Variants in EFCAB6 observed in about 807,000 individuals in gnomAD.
EFCAB6 encodes EF-hand calcium binding domain 6.
Under a neutral mutation model 169.8 loss-of-function variants are expected in EFCAB6, and 156 were observed. The observed-to-expected ratio is 0.92, with a 90% CI of 0.81 to 1.05. The LOEUF (loss-of-function observed/expected upper bound fraction) is 1.05, where lower values mean the gene tolerates loss of function less well. Among genes scored for constraint, EFCAB6 ranks in the 50% least tolerant of loss-of-function variants. The probability of loss-of-function intolerance (pLI) is 0.00; values close to 1 mark genes in which losing one functional copy is unlikely to be tolerated. For missense variants in EFCAB6, 1,800 were observed against 1,829.1 expected (o/e 0.98, Z 0.29); for synonymous variants, 698 against 676.4 (o/e 1.03, Z -0.50).
At chr22:43,536,996 A>C in intron 29 of EFCAB6, 1 of 169,322 alleles carries the variant, frequency 5.9e-6, no homozygotes. Context: ...CAAAGAGTGA[A>C]TGTTGATGGG....
At chr22:43,685,629 T>C (rs1175073744) in intron 11 of EFCAB6, among the ~76,000 whole-genome samples, 1 of 152,216 alleles carries the variant, frequency 6.6e-6, no homozygotes, top group Non-Finnish European at 1.5e-5. Flanking sequence ...TTTGGGCAAC[T>C]GTACAGGCAG....
Position 43,625,081 on chromosome 22 carries a change from T to C in EFCAB6, c.2465+1366A>G, listed in dbSNP as rs1196307747. On this transcript the variant is annotated intron_variant, in intron 20 of 31. Coordinates refer to ENST00000262726, the MANE Select transcript of EFCAB6 (RefSeq NM_022785.4). ...TTGCTATCATCATTTTCTTTCTTGC[T>C]TGCTTTTTTATTTTTTTAATATAGA... Among the ~76,000 whole-genome samples the C allele has an allele frequency of 3.3e-5, 5 of 150,558 alleles. No individual in the cohort carries two copies. The East Asian group carries it at 8.2e-4, about 25-fold the overall frequency.
intron 17 of EFCAB6, among the ~76,000 whole-genome samples, chr22:43,655,860 A>G (rs1603002269): frequency 6.6e-6 from 1 of 152,258 alleles, no homozygotes; most frequent in African/African-American, 2.4e-5. Flanking sequence ...ATCAGATGAC[A>G]TAGGCCTGAA....
chr22:43,774,523 G>T (rs895818651), intron 3 of EFCAB6, among the ~76,000 whole-genome samples: 1 of 151,626 alleles, frequency 6.6e-6, no homozygotes, highest in Non-Finnish European at 1.5e-5. Context: ...CAGGGCCTGT[G>T]CCGGGGGCTG....
At chr22:43,550,662 ACT>A (rs1031390542) in intron 27 of EFCAB6, among the ~76,000 whole-genome samples, 1 of 144,846 alleles carries the variant, frequency 6.9e-6, no homozygotes, top group Non-Finnish European at 1.5e-5. Flanking sequence ...ACACAGTGAG[ACT>A]CTGTCTCAAA....
At chr22:43,784,624 CATATATATGTATATGTACACAT>C (rs1569487799) in intron 2 of EFCAB6, among the ~76,000 whole-genome samples, 11 of 60,320 alleles carry the variant, frequency 1.8e-4, no homozygotes, top group East Asian at 1.7e-3. Flanking sequence ...TATATATACA[CATATATATGTATATGTACACAT>C]ATATATGTGT....
At position 43,667,117 on chromosome 22, in the gene EFCAB6, T is replaced by G; in HGVS notation, c.1970A>C (p.His657Pro). The G allele has an allele frequency of 1.2e-6, 2 of 1,613,980 alleles. No homozygotes were observed. The highest frequency in any genetic ancestry group is 1.1e-5 in the South Asian group (1 of 91,036). Reference protein sequence around the residue: ...SKEPNGKINVHDFKKVLEDTG... With the variant: ...SKEPNGKINVPDFKKVLEDTG... ...CCATTCTCCTACCTTCTTAAAGTCA[T>G]GCACGTTAATTTTTCCATTAGGCTC... Residue 657 changes from histidine to proline, a missense_variant, in exon 17 of 32, where the codon CAT becomes CCT. His to Pro is a moderately conservative substitution (Grantham distance 77). Coordinates refer to ENST00000262726, the MANE Select transcript of EFCAB6 (RefSeq NM_022785.4).
intron 27 of EFCAB6, among the ~76,000 whole-genome samples, chr22:43,547,286 A>G (rs1270546085): frequency 6.6e-6 from 1 of 152,188 alleles, no homozygotes; most frequent in Non-Finnish European, 1.5e-5. Context: ...AAAACCTTAA[A>G]AGCCAATTGG....
At chr22:43,616,356 T>G (rs556834355) in intron 20 of EFCAB6, among the ~76,000 whole-genome samples, 1 of 152,174 alleles carries the variant, frequency 6.6e-6, no homozygotes, top group African/African-American at 2.4e-5. Context: ...TTTTCCAAGG[T>G]GAGGCTTGTA....
chr22:43,655,791 T>C (rs1489617502), intron 17 of EFCAB6, among the ~76,000 whole-genome samples: 1 of 151,942 alleles, frequency 6.6e-6, no homozygotes, highest in African/African-American at 2.4e-5. Context: ...AGCAAAAGGA[T>C]AGAAAAGGAT....
Position 43,645,080 on chromosome 22 carries a change from G to C in EFCAB6, c.1984-9864C>G, listed in dbSNP as rs537360850. On this transcript the variant is annotated intron_variant, in intron 17 of 31. Coordinates refer to ENST00000262726, the MANE Select transcript of EFCAB6 (RefSeq NM_022785.4). ...AAAGCACTTGCCATCTCTGTCTAGGGGTCACAAATTGAAATGGCTCCTGTA... is the reference window on the plus strand; with the variant it reads ...AAAGCACTTGCCATCTCTGTCTAGGCGTCACAAATTGAAATGGCTCCTGTA... 5.2e-3 allele frequency among the ~76,000 whole-genome samples: 798 copies of C among 152,202 alleles called. 1 individual carries two copies. Among genetic ancestry groups the C allele is most frequent in the African/African-American group, 0.019 (771 of 41,520 alleles).
chr22:43,640,701 G>T (rs1267229937), intron 17 of EFCAB6, among the ~76,000 whole-genome samples: 1 of 152,138 alleles, frequency 6.6e-6, no homozygotes, highest in Non-Finnish European at 1.5e-5. Flanking sequence ...TTCAGGAGTT[G>T]ACACCCTCCT....
At chr22:43,683,709 A>G (rs745822647) in intron 12 of EFCAB6, 38 bp downstream of exon 12, 2 of 1,414,378 alleles carry the variant, frequency 1.4e-6, no homozygotes, top group East Asian at 4.5e-5. Flanking sequence ...TCTTAGAAAC[A>G]ATGAGTGTTT....
intron 29 of EFCAB6, chr22:43,535,597 A>G (rs768044607): frequency 1.3e-5 from 2 of 152,262 alleles, no homozygotes; most frequent in Non-Finnish European, 2.9e-5. Context: ...TTCTCCTGCC[A>G]GTTGTAAAGA....
At chr22:43,686,608 T>C (rs9614260) in intron 11 of EFCAB6, among the ~76,000 whole-genome samples, 1 of 149,920 alleles carries the variant, frequency 6.7e-6, no homozygotes, top group Non-Finnish European at 1.5e-5. Context: ...AACTCAGAGG[T>C]TGCAGCTCTG....
At chr22:43,638,826 C>T (rs2055609589) in intron 17 of EFCAB6, among the ~76,000 whole-genome samples, 1 of 146,114 alleles carries the variant, frequency 6.8e-6, no homozygotes. Flanking sequence ...GCTCTTGTTG[C>T]CCAGGCTGGA....
At chr22:43,748,314 C>G (rs2060635629) in intron 6 of EFCAB6, among the ~76,000 whole-genome samples, 1 of 152,222 alleles carries the variant, frequency 6.6e-6, no homozygotes, top group South Asian at 2.1e-4. Flanking sequence ...GCCAGTCTAC[C>G]TTTCAAAACT....
rs1015596351 is a variant in EFCAB6, at chr22:43,572,894, G to A, written c.3420+3403C>T. ...GGTACACATGGGCCATAGGAAACAC[G>A]TGTCATGAGAGAGTGAATGAACCCA... On this transcript the variant is annotated intron_variant, in intron 26 of 31. Coordinates refer to ENST00000262726, the MANE Select transcript of EFCAB6 (RefSeq NM_022785.4). The surrounding 1 kb of genome is among the most constrained non-coding windows in gnomAD (Gnocchi z 4.0). Among the ~76,000 whole-genome samples the A allele has an allele frequency of 3.4e-4, 51 of 152,232 alleles. No individual in the cohort carries two copies. The highest frequency in any genetic ancestry group is 1.2e-3 in the African/African-American group (49 of 41,448).
intron 4 of EFCAB6, among the ~76,000 whole-genome samples, chr22:43,772,349 T>C (rs2061498468): frequency 6.6e-6 from 1 of 151,814 alleles, no homozygotes; most frequent in Admixed American, 6.6e-5. Context: ...TTAAAAGAAA[T>C]GAAAAGAAGG....
Sources: allele counts gnomAD v4.1 joint callset (sites outside exome capture counted in the v4.1 genomes callset), GRCh38; gene constraint gnomAD v4.1.1; non-coding constraint Gnocchi (gnomAD v3.1); transcripts MANE v1.5; gene names NCBI Gene and HGNC (gene_info 2026-07-23, HGNC 2026-07-21).